The following SGCD variants were observed in gnomAD, a reference collection of about 807,000 sequenced individuals.
SGCD encodes the protein sarcoglycan delta.
A neutral mutation model predicts 36.6 loss-of-function variants in SGCD; 18 were observed. That is an observed-to-expected ratio of 0.49 (90% CI 0.34 to 0.73). SGCD has a LOEUF of 0.73. Among genes scored for constraint, SGCD ranks in the 30% least tolerant of loss-of-function variants. SGCD has a pLI of 0.01. For synonymous variants in SGCD, 133 were observed against 130.6 expected, an observed-to-expected ratio of 1.02 and a Z score of -0.12; for missense variants, 387 against 346.7, an observed-to-expected ratio of 1.12 and a Z score of -0.92.
intron 4 of SGCD, among the ~76,000 whole-genome samples, chr5:156,526,080 A>G (rs1284468993): frequency 6.6e-6 from 1 of 152,188 alleles, no homozygotes; most frequent in African/African-American, 2.4e-5. Flanking sequence ...AATGGCAGGC[A>G]GTAGTTGTCT....
intron 3 of SGCD, among the ~76,000 whole-genome samples, chr5:156,139,030 C>G (rs1186854289): frequency 6.6e-6 from 1 of 152,046 alleles, no homozygotes; most frequent in Admixed American, 6.6e-5. Context: ...GGATTGTTTA[C>G]CTTTTTATTA....
At chr5:156,696,224 C>T (rs905907810) in intron 7 of SGCD, among the ~76,000 whole-genome samples, 3 of 152,164 alleles carry the variant, frequency 2.0e-5, no homozygotes, top group African/African-American at 7.2e-5. Context: ...AACTGTGAAG[C>T]TAAGCAGTGA....
intron 3 of SGCD, among the ~76,000 whole-genome samples, chr5:156,430,379 T>C (rs1773883058): frequency 6.6e-6 from 1 of 152,122 alleles, no homozygotes; most frequent in Non-Finnish European, 1.5e-5. Context: ...TTTCTACTAT[T>C]TTTCTGGAAA....
intron 1 of SGCD, among the ~76,000 whole-genome samples, chr5:155,992,024 G>A (rs1758441941): frequency 6.6e-6 from 1 of 152,070 alleles, no homozygotes. Flanking sequence ...CCTCCCTTAT[G>A]GTTGAATCTT....
In SGCD at chr5:156,110,659, T is replaced by TA. The variant is rs567366065; in HGVS notation, c.-281-7208dup. On this transcript the variant is annotated intron_variant, in intron 1 of 9. Transcript: ENST00000517913. Reference sequence around the variant, plus strand: ...AGCTTTTTCATGTACACTGGCAACTTAAAAAAAAAAACTCTCTTTCCCATA... The same window carrying TA: ...AGCTTTTTCATGTACACTGGCAACTTAAAAAAAAAAAACTCTCTTTCCCATA... Among the ~76,000 whole-genome samples, 1,242 of 146,118 alleles carry TA rather than the reference T, an allele frequency of 8.5e-3. 14 individuals carry two copies. Among genetic ancestry groups the TA allele is most frequent in the African/African-American group, 0.027 (1,071 of 40,134 alleles).
At chr5:155,884,809 C>G (rs1755967999) in intron 1 of SGCD, among the ~76,000 whole-genome samples, 2 of 53,652 alleles carry the variant, frequency 3.7e-5, no homozygotes, top group South Asian at 4.3e-4. Flanking sequence ...TAGCATGTAA[C>G]CTATAAGAAC....
At chr5:156,528,707 A>G (rs1178233525) in intron 4 of SGCD, among the ~76,000 whole-genome samples, 1 of 152,200 alleles carries the variant, frequency 6.6e-6, no homozygotes, top group African/African-American at 2.4e-5. Flanking sequence ...AATAAGTTTC[A>G]TCTTTACGTA....
rs139458982 is a variant in SGCD, at chr5:156,538,803, C to G, written c.294+30101C>G. 1.8e-3 allele frequency among the ~76,000 whole-genome samples: 276 copies of G among 152,024 alleles called. 2 individuals carry two copies. Among genetic ancestry groups the G allele is most frequent in the African/African-American group, 6.1e-3 (254 of 41,484 alleles). On this transcript the variant is annotated intron_variant, in intron 4 of 8. Coordinates refer to ENST00000337851, the MANE Select transcript of SGCD (RefSeq NM_000337.6). ...CACACCCTCTCCTGTGATATCTTGCCCTACCTCAATATTGCAAGTTTCACA... is the reference window on the plus strand; with the variant it reads ...CACACCCTCTCCTGTGATATCTTGCGCTACCTCAATATTGCAAGTTTCACA...
the SGCD span, among the ~76,000 whole-genome samples, chr5:155,842,203 C>A: frequency 6.6e-6 from 1 of 150,998 alleles, no homozygotes; most frequent in Non-Finnish European, 1.5e-5. Flanking sequence ...ATCATATGAG[C>A]CAGAACAATT....
At chr5:156,499,325 A>C (rs900866035) in intron 3 of SGCD, among the ~76,000 whole-genome samples, 5 of 152,108 alleles carry the variant, frequency 3.3e-5, no homozygotes, top group African/African-American at 1.2e-4. Context: ...TCTCTAGCCG[A>C]TTTCTTTTTT....
chr5:156,589,074 G>A (rs568042336), intron 4 of SGCD, among the ~76,000 whole-genome samples, 157 bp from the exon 5 acceptor site: 1 of 151,142 alleles, frequency 6.6e-6, no homozygotes, highest in South Asian at 2.1e-4. Context: ...TAATTATCAT[G>A]TACATAGGGA....
At chr5:156,639,964 T>C (rs553863525) in intron 6 of SGCD, among the ~76,000 whole-genome samples, 12 of 152,198 alleles carry the variant, frequency 7.9e-5, no homozygotes, top group African/African-American at 2.9e-4. Context: ...GCTTGGATCA[T>C]ATCACCCTTC....
intron 3 of SGCD, among the ~76,000 whole-genome samples, chr5:156,181,532 A>G (rs1763606816): frequency 6.6e-6 from 1 of 152,242 alleles, no homozygotes; most frequent in Non-Finnish European, 1.5e-5. Context: ...AGAACTCCCC[A>G]TTCCTAACAT....
At chr5:155,843,049 C>G in the SGCD span, among the ~76,000 whole-genome samples, 1 of 152,172 alleles carries the variant, frequency 6.6e-6, no homozygotes, top group East Asian at 1.9e-4. Context: ...ATTCCATGCT[C>G]CATTTCTCAA....
At chr5:156,393,690 C>T (rs1157116826) in intron 3 of SGCD, 1 of 455,014 alleles carries the variant, frequency 2.2e-6, no homozygotes, top group African/African-American at 2.0e-5. Flanking sequence ...TCATCCATCT[C>T]CCAGAGCCAT....
chr5:156,728,975 G>A (rs1047085574), intron 7 of SGCD, among the ~76,000 whole-genome samples: 1 of 152,128 alleles, frequency 6.6e-6, no homozygotes, highest in Non-Finnish European at 1.5e-5. Flanking sequence ...AGAAGCCCTT[G>A]AAACCTTATG....
chr5:156,467,742 T>G (rs1754777243), intron 3 of SGCD, among the ~76,000 whole-genome samples: 1 of 152,204 alleles, frequency 6.6e-6, no homozygotes, highest in Admixed American at 6.5e-5. Context: ...GACTAAGCCT[T>G]CAGTACAAAG....
chr5:155,948,290 C>CTAA (rs1230190418), intron 1 of SGCD, among the ~76,000 whole-genome samples: 14 of 151,910 alleles, frequency 9.2e-5, no homozygotes, highest in African/African-American at 3.1e-4. Context: ...ACTGCTACTA[C>CTAA]TAATAATAAT....
chr5:156,342,064 C>A (rs1303239979), intron 2 of SGCD, among the ~76,000 whole-genome samples: 1 of 152,184 alleles, frequency 6.6e-6, no homozygotes, highest in African/African-American at 2.4e-5. Context: ...GCATCCAGGG[C>A]TGAGAACCCT....
Sources: gnomAD v4.1 joint callset for allele counts (sites outside exome capture counted in the v4.1 genomes callset) on GRCh38, gnomAD v4.1.1 for gene constraint, MANE v1.5 for transcripts, NCBI Gene and HGNC (gene_info 2026-07-23, HGNC 2026-07-21) for gene names.